The following RALGPS1 variants were observed in gnomAD, a reference collection of about 807,000 sequenced individuals.
RALGPS1 encodes the protein ras-specific guanine nucleotide-releasing factor RalGPS1.
In RALGPS1, 19 loss-of-function variants were observed where a neutral mutation model predicts 78.8. The observed-to-expected ratio is 0.24, with a 90% CI of 0.17 to 0.35. The LOEUF (loss-of-function observed/expected upper bound fraction) is 0.35. Among genes scored for constraint, RALGPS1 ranks in the 10% least tolerant of loss-of-function variants. RALGPS1 has a pLI of 1.00. For synonymous variants in RALGPS1, 228 were observed against 256.3 expected (o/e 0.89, Z 1.06); for missense variants, 454 against 688.3 (o/e 0.66, Z 3.81).
At chr9:126,990,118 G>A (rs1219033770) in intron 4 of RALGPS1, 7 of 1,235,978 alleles carry the variant, frequency 5.7e-6, no homozygotes, top group Non-Finnish European at 7.8e-6. Flanking sequence ...CTGCTCCTTG[G>A]AATCAGTGTT....
chr9:127,200,847 G>A (rs1349763082), intron 14 of RALGPS1, among the ~76,000 whole-genome samples: 6 of 152,250 alleles, frequency 3.9e-5, no homozygotes, highest in Non-Finnish European at 8.8e-5. Flanking sequence ...CCAATGAGAA[G>A]ACATCAAATG....
At chr9:127,210,610 C>CT in intron 14 of RALGPS1, 2 of 1,011,370 alleles carry the variant, frequency 2.0e-6, no homozygotes, top group Non-Finnish European at 3.0e-6. Flanking sequence ...AGCTAATTGA[C>CT]TATGTTGTCG....
At chr9:126,994,344 T>C (rs914187088) in intron 4 of RALGPS1, among the ~76,000 whole-genome samples, 7 of 152,130 alleles carry the variant, frequency 4.6e-5, no homozygotes, top group African/African-American at 1.7e-4. Flanking sequence ...AAGGACCTGA[T>C]GGAGCTGAAA....
In RALGPS1 at chr9:126,962,678, C is replaced by T. The variant is rs1488865276; in HGVS notation, c.57+332C>T. On this transcript the variant is annotated intron_variant, in intron 2 of 18. Coordinates refer to ENST00000259351, the MANE Select transcript of RALGPS1 (RefSeq NM_014636.3). ...GATTATAAATAAGTCACACACATTC[C>T]GGAATGAAGTCAGACAGAAGTCATT... Among the ~76,000 whole-genome samples, 3 of 152,346 alleles carry T rather than the reference C, an allele frequency of 2.0e-5. No individual in the cohort carries two copies. The South Asian group carries it at 6.2e-4, about 32-fold the overall frequency.
At chr9:126,982,849 TTCC>T (rs200547683) in intron 4 of RALGPS1, among the ~76,000 whole-genome samples, 6 of 145,480 alleles carry the variant, frequency 4.1e-5, no homozygotes, top group Non-Finnish European at 9.0e-5. Flanking sequence ...TCCTTCTTTC[TTCC>T]TCCTCCTTCT....
chr9:127,004,547 G>A (rs1036338968), intron 4 of RALGPS1, among the ~76,000 whole-genome samples: 1 of 152,162 alleles, frequency 6.6e-6, no homozygotes, highest in Non-Finnish European at 1.5e-5. Context: ...CTTATGTCTG[G>A]GTAATTGCAG....
At chr9:127,114,950 G>A (rs2055239763) in intron 8 of RALGPS1, among the ~76,000 whole-genome samples, 1 of 152,198 alleles carries the variant, frequency 6.6e-6, no homozygotes. Flanking sequence ...GAAATGTATG[G>A]TGTGCTGGTA....
chr9:127,034,544 C>T (rs1474047256), intron 5 of RALGPS1, 30 bp downstream of exon 5: 1 of 1,589,828 alleles, frequency 6.3e-7, no homozygotes, highest in Non-Finnish European at 8.6e-7. Context: ...TGTGCCTATC[C>T]AGAGAGCAAT....
chr9:127,209,931 G>C (rs1466590835), intron 14 of RALGPS1, among the ~76,000 whole-genome samples: 2 of 152,236 alleles, frequency 1.3e-5, no homozygotes, highest in African/African-American at 4.8e-5. Context: ...AAGAAGAGCT[G>C]TGGTCAGAGA....
chr9:127,015,820 A>G (rs1379420334), intron 4 of RALGPS1, among the ~76,000 whole-genome samples: 2 of 151,532 alleles, frequency 1.3e-5, no homozygotes, highest in Non-Finnish European at 2.9e-5. Flanking sequence ...CCTGGACATC[A>G]CATCCCTCCC....
At chr9:127,004,989 C>G (rs544459427) in intron 4 of RALGPS1, among the ~76,000 whole-genome samples, 1 of 152,332 alleles carries the variant, frequency 6.6e-6, no homozygotes, top group Admixed American at 6.5e-5. Flanking sequence ...AAAGAAGTCA[C>G]TCTGGTAGGA....
At chr9:127,216,704 C>G (rs536865819) in intron 18 of RALGPS1, among the ~76,000 whole-genome samples, 1 of 152,276 alleles carries the variant, frequency 6.6e-6, no homozygotes, top group Admixed American at 6.5e-5. Context: ...GGGTTTTGGT[C>G]GGCAGCCATC....
intron 8 of RALGPS1, among the ~76,000 whole-genome samples, chr9:127,151,068 C>T (rs1054078264): frequency 1.3e-5 from 2 of 152,026 alleles, no homozygotes; most frequent in African/African-American, 4.8e-5. Flanking sequence ...CCTGTAGTCC[C>T]AGCTACTCGG....
intron 4 of RALGPS1, among the ~76,000 whole-genome samples, chr9:126,999,069 A>G (rs2043043785): frequency 6.7e-6 from 1 of 150,128 alleles, no homozygotes; most frequent in African/African-American, 2.4e-5. Context: ...CTAATGCTAA[A>G]TGACGAGTTA....
At chr9:126,921,773 C>T (rs573415919) in intron 1 of RALGPS1, among the ~76,000 whole-genome samples, 2 of 152,264 alleles carry the variant, frequency 1.3e-5, no homozygotes, top group East Asian at 3.9e-4. Context: ...TTGTGTGGTT[C>T]GTACAGGGTT....
chr9:127,187,577 C>G (rs1368482698), intron 11 of RALGPS1, among the ~76,000 whole-genome samples: 1 of 152,202 alleles, frequency 6.6e-6, no homozygotes, highest in Non-Finnish European at 1.5e-5. Flanking sequence ...TACCACAACA[C>G]CAGGTAGCCT....
chr9:127,174,890 G>A (rs1215165328), intron 11 of RALGPS1, 108 bp downstream of exon 11: 3 of 922,702 alleles, frequency 3.3e-6, no homozygotes, highest in Non-Finnish European at 5.2e-6. Context: ...TTGCAGCTTA[G>A]CAGACTCAGC....
chr9:126,949,374 T>C (rs1242376937), intron 1 of RALGPS1, among the ~76,000 whole-genome samples: 2 of 152,252 alleles, frequency 1.3e-5, no homozygotes, highest in Admixed American at 1.3e-4. Context: ...TCCAGATCCC[T>C]GAGGAATCGC....
At chr9:126,921,835 C>A (rs2034793293) in intron 1 of RALGPS1, among the ~76,000 whole-genome samples, 1 of 152,208 alleles carries the variant, frequency 6.6e-6, no homozygotes, top group Admixed American at 6.5e-5. Context: ...ACATTGTGAG[C>A]ACCCAGGAAG....
Sources: allele counts gnomAD v4.1 joint callset (sites outside exome capture counted in the v4.1 genomes callset), GRCh38; gene constraint gnomAD v4.1.1; transcripts MANE v1.5; gene names NCBI Gene and HGNC (gene_info 2026-07-23, HGNC 2026-07-21).